Variants in VSNL1 observed in about 807,000 individuals in gnomAD.
The protein encoded by VSNL1 is visinin like 1, also known as visinin-like protein 1.
Under a neutral mutation model 20.4 loss-of-function variants are expected in VSNL1, and 6 were observed. That is an observed-to-expected ratio of 0.29 (90% CI 0.16 to 0.58). VSNL1 has a LOEUF of 0.58. Ranked by LOEUF, VSNL1 falls within the 20% of genes least tolerant of loss-of-function variation. The pLI, the probability that VSNL1 is intolerant of heterozygous loss-of-function variation, is 0.90. For synonymous variants in VSNL1, 93 were observed against 86.4 expected (o/e 1.08, Z -0.42); for missense variants, 100 against 234.5 (o/e 0.43, Z 3.75).
intron 2 of VSNL1, among the ~76,000 whole-genome samples, chr2:17,624,732 A>G (rs11678227): frequency 0.25 from 37,547 of 152,156 alleles, 6,052 homozygotes; most frequent in Middle Eastern, 0.49. Flanking sequence ...CCAGAAGGGA[A>G]TGTAGCTCTG....
intron 3 of VSNL1, among the ~76,000 whole-genome samples, chr2:17,651,950 C>T (rs563921542): frequency 5.3e-5 from 8 of 152,268 alleles, no homozygotes; most frequent in South Asian, 2.1e-4. Flanking sequence ...TGTAAATTAG[C>T]GTGATCTTTT....
intron 1 of VSNL1, among the ~76,000 whole-genome samples, chr2:17,576,680 T>C (rs761834868): frequency 6.6e-6 from 1 of 152,226 alleles, no homozygotes; most frequent in Non-Finnish European, 1.5e-5. Flanking sequence ...ATTTTTACTT[T>C]TTCTGTTTTT....
In VSNL1 at chr2:17,564,643, C is replaced by T. The variant is rs143760072; in HGVS notation, c.-6+23725C>T. 9.2e-4 allele frequency among the ~76,000 whole-genome samples: 140 copies of T among 152,132 alleles called. 1 individual carries two copies. Among genetic ancestry groups the T allele is most frequent in the African/African-American group, 3.2e-3 (134 of 41,504 alleles). On this transcript the variant is annotated intron_variant, in intron 1 of 3. Transcript: ENST00000295156. Reference sequence around the variant, plus strand: ...AGTTGCTTTACAAATTTGTGTTAAACGGCTGTGCCTAGTATCTGAATTCAC... The same window carrying T: ...AGTTGCTTTACAAATTTGTGTTAAATGGCTGTGCCTAGTATCTGAATTCAC...
chr2:17,581,559 T>C (rs575225134), intron 1 of VSNL1, among the ~76,000 whole-genome samples: 95 of 152,338 alleles, frequency 6.2e-4, no homozygotes, highest in Middle Eastern at 6.8e-3. Flanking sequence ...ACACCCTTTG[T>C]ATATATGTCT....
At chr2:17,599,025 A>G (rs1664772238) in intron 2 of VSNL1, among the ~76,000 whole-genome samples, 1 of 152,232 alleles carries the variant, frequency 6.6e-6, no homozygotes, top group Admixed American at 6.5e-5. Context: ...GATAAAACGC[A>G]GCCCCTGCTT....
At chr2:17,618,825 C>T (rs142079505) in intron 2 of VSNL1, among the ~76,000 whole-genome samples, 3 of 152,290 alleles carry the variant, frequency 2.0e-5, no homozygotes, top group African/African-American at 7.2e-5. Flanking sequence ...ATGAGGAGTT[C>T]AGTGAATTGG....
chr2:17,593,418 G>C (rs4510228), intron 2 of VSNL1, among the ~76,000 whole-genome samples: 16,708 of 152,068 alleles, frequency 0.11, 1,185 homozygotes, highest in African/African-American at 0.2. Context: ...AAAGGAAATA[G>C]AAATTTTTAA....
upstream of VSNL1, chr2:17,540,683 C>T (rs1051618163): frequency 6.6e-6 from 1 of 152,660 alleles, no homozygotes; most frequent in African/African-American, 2.4e-5. Flanking sequence ...CCTAGGTTTT[C>T]TATGGGATTC....
chr2:17,571,062 A>C (rs1031964601), intron 1 of VSNL1, among the ~76,000 whole-genome samples: 3 of 152,184 alleles, frequency 2.0e-5, no homozygotes, highest in Non-Finnish European at 4.4e-5. Flanking sequence ...ACCCAAAATA[A>C]ACTGGTAATA....
chr2:17,563,401 T>A (rs1033450455), intron 1 of VSNL1, among the ~76,000 whole-genome samples: 1 of 152,184 alleles, frequency 6.6e-6, no homozygotes, highest in African/African-American at 2.4e-5. Flanking sequence ...ATGTGTGGCA[T>A]CAGTCAGTAC....
intron 1 of VSNL1, among the ~76,000 whole-genome samples, chr2:17,561,428 A>T (rs1435213445): frequency 6.6e-6 from 1 of 152,168 alleles, no homozygotes; most frequent in Non-Finnish European, 1.5e-5. Flanking sequence ...ACTTGGGTGA[A>T]TGGCACTAGA....
At chr2:17,577,701 A>G (rs906667129) in intron 1 of VSNL1, among the ~76,000 whole-genome samples, 14 of 152,306 alleles carry the variant, frequency 9.2e-5, no homozygotes, top group South Asian at 2.1e-4. Flanking sequence ...CTGTGAGATA[A>G]CTGACCAAGC....
At chr2:17,643,904 C>T (rs1665935962) in intron 2 of VSNL1, among the ~76,000 whole-genome samples, 1 of 152,138 alleles carries the variant, frequency 6.6e-6, no homozygotes, top group South Asian at 2.1e-4. Flanking sequence ...GGCCCCGGGA[C>T]AAGGGAGCCG....
At chr2:17,554,929 C>T (rs192210394) in intron 1 of VSNL1, among the ~76,000 whole-genome samples, 6 of 152,186 alleles carry the variant, frequency 3.9e-5, no homozygotes, top group Admixed American at 1.3e-4. Context: ...AAATTCTTTG[C>T]AAATGTATAT....
At chr2:17,564,187 C>G (rs1414162482) in intron 1 of VSNL1, among the ~76,000 whole-genome samples, 2 of 151,934 alleles carry the variant, frequency 1.3e-5, no homozygotes, top group Non-Finnish European at 2.9e-5. Flanking sequence ...CCATTTTTTT[C>G]ACAAGTGTTG....
chr2:17,573,034 G>A (rs1177670706), intron 1 of VSNL1, among the ~76,000 whole-genome samples: 1 of 152,302 alleles, frequency 6.6e-6, no homozygotes, highest in Admixed American at 6.5e-5. Context: ...CATCCTCAGA[G>A]GAGATTATGA....
chr2:17,558,170 C>T (rs751813379), intron 1 of VSNL1, among the ~76,000 whole-genome samples: 3 of 152,094 alleles, frequency 2.0e-5, no homozygotes, highest in Non-Finnish European at 2.9e-5. Flanking sequence ...CTTTGAAATG[C>T]TTATGTCCTG....
chr2:17,587,862 A>G (rs1664513465), intron 1 of VSNL1, among the ~76,000 whole-genome samples: 1 of 152,190 alleles, frequency 6.6e-6, no homozygotes, highest in South Asian at 2.1e-4. Flanking sequence ...GCTGTAAAAA[A>G]GGGGTCAATA....
intron 3 of VSNL1, among the ~76,000 whole-genome samples, chr2:17,651,470 A>C (rs550094910): frequency 6.6e-6 from 1 of 152,344 alleles, no homozygotes; most frequent in East Asian, 1.9e-4. Flanking sequence ...ACGGGTGAAG[A>C]AGCAGTGGTC....
Sources: allele counts gnomAD v4.1 joint callset (sites outside exome capture counted in the v4.1 genomes callset), GRCh38; gene constraint gnomAD v4.1.1; transcripts MANE v1.5; gene names NCBI Gene and HGNC (gene_info 2026-07-23, HGNC 2026-07-21).